The following RMDN2 variants were observed in gnomAD, a reference collection of about 807,000 sequenced individuals.
RMDN2 encodes the protein regulator of microtubule dynamics protein 2.
Under a neutral mutation model 52.8 loss-of-function variants are expected in RMDN2, and 61 were observed. The observed-to-expected ratio is 1.16, with a 90% CI of 0.94 to 1.43. The LOEUF is 1.43. Among genes scored for constraint, RMDN2 ranks in the 40% most tolerant of loss-of-function variants. RMDN2 has a pLI of 0.00. For synonymous variants in RMDN2, 180 were observed against 153.1 expected (o/e 1.18, Z -1.30); for missense variants, 592 against 475.3 (o/e 1.25, Z -2.28).
At chr2:38,044,811 A>T (rs568499897) in intron 10 of RMDN2, among the ~76,000 whole-genome samples, 16 of 152,186 alleles carry the variant, frequency 1.1e-4, no homozygotes, top group African/African-American at 3.9e-4. Context: ...TACTTTTTCC[A>T]TATAAAGTGC....
downstream of RMDN2, among the ~76,000 whole-genome samples, chr2:38,019,070 A>T (rs534956019): frequency 2.6e-5 from 4 of 152,326 alleles, no homozygotes; most frequent in African/African-American, 9.6e-5. Flanking sequence ...TCTTGGCTAG[A>T]TGGGGCAAGA....
Position 37,978,192 on chromosome 2 carries a change from T to TGC in RMDN2, c.730+2879_730+2880dup, listed in dbSNP as rs1370631109. 3.3e-5 allele frequency among the ~76,000 whole-genome samples: 5 copies of TGC among 151,934 alleles called. No homozygotes were observed. The East Asian group carries it at 5.8e-4, about 18-fold the overall frequency. ...AAAACCAGTCAGGCGTGGTGATGCGTGCCTGCAATCGCAGGTACTTGGCAG... is the reference window on the plus strand; with the variant it reads ...AAAACCAGTCAGGCGTGGTGATGCGTGCGCCTGCAATCGCAGGTACTTGGCAG... On this transcript the variant is annotated intron_variant, in intron 4 of 10. Transcript: ENST00000354545.
intron 7 of RMDN2, among the ~76,000 whole-genome samples, chr2:37,992,231 A>G (rs77193118): frequency 0.011 from 1,732 of 152,362 alleles, 19 homozygotes; most frequent in Non-Finnish European, 0.017. Context: ...AAGAGGCAGC[A>G]TTGAAATTGA....
chr2:37,989,989 C>A (rs1674545655), intron 6 of RMDN2, among the ~76,000 whole-genome samples: 1 of 151,462 alleles, frequency 6.6e-6, no homozygotes, highest in Non-Finnish European at 1.5e-5. Context: ...TAAAAATACA[C>A]ACACACAAAA....
chr2:37,972,144 G>A (rs1258534630), intron 2 of RMDN2, among the ~76,000 whole-genome samples: 1 of 151,970 alleles, frequency 6.6e-6, no homozygotes, highest in Non-Finnish European at 1.5e-5. Flanking sequence ...AATTATGTTT[G>A]TAGTTTTTTG....
At chr2:37,999,707 G>A (rs1297603949) in intron 8 of RMDN2, among the ~76,000 whole-genome samples, 1 of 152,046 alleles carries the variant, frequency 6.6e-6, no homozygotes, top group Non-Finnish European at 1.5e-5. Context: ...CAACCCCCGG[G>A]TCCTACAACA....
At chr2:37,956,199 CTT>C (rs940072718) in intron 2 of RMDN2, among the ~76,000 whole-genome samples, 5 of 152,136 alleles carry the variant, frequency 3.3e-5, no homozygotes, top group Non-Finnish European at 5.9e-5. Flanking sequence ...TGGGCTTTCA[CTT>C]TTTGGGAGGT....
Position 38,004,004 on chromosome 2 carries a change from G to A in RMDN2, c.1058G>A (p.Cys353Tyr), listed in dbSNP as rs1676712809. 6.2e-7 allele frequency: 1 copy of A among 1,612,714 alleles called. No individual in the cohort carries two copies. ...LHNFLKAEEL[C>Y]PGYSNPNYMY... ...CTCTCAAATCAGGCTGAAGAACTATGCCCTGGTTATTCTAATCCCAATTAC... is the reference window on the plus strand; with the variant it reads ...CTCTCAAATCAGGCTGAAGAACTATACCCTGGTTATTCTAATCCCAATTAC... Residue 353 changes from cysteine to tyrosine, a missense_variant, in exon 9 of 11, where the codon TGC (cysteine) becomes TAC (tyrosine). Physicochemically the swap from Cys to Tyr is radical, Grantham distance 194. Transcript: ENST00000354545.
chr2:37,996,666 G>T (rs1675595628), intron 7 of RMDN2, among the ~76,000 whole-genome samples: 1 of 150,960 alleles, frequency 6.6e-6, no homozygotes, highest in African/African-American at 2.4e-5. Flanking sequence ...TGAGAAGGAA[G>T]ATAATTTATG....
chr2:37,988,112 T>C (rs541206633), intron 5 of RMDN2, among the ~76,000 whole-genome samples: 10 of 152,322 alleles, frequency 6.6e-5, no homozygotes, highest in African/African-American at 9.6e-5. Context: ...ATAGGAGATA[T>C]ATGGGAATCC....
At chr2:37,945,343 T>TGGTA (rs1457900083) in intron 2 of RMDN2, among the ~76,000 whole-genome samples, 1 of 152,176 alleles carries the variant, frequency 6.6e-6, no homozygotes, top group East Asian at 1.9e-4. Flanking sequence ...ATGAGTACAG[T>TGGTA]GGTAACAAAG....
intron 2 of RMDN2, among the ~76,000 whole-genome samples, chr2:37,966,818 C>A (rs1671117205): frequency 6.6e-6 from 1 of 151,926 alleles, no homozygotes; most frequent in Non-Finnish European, 1.5e-5. Context: ...CTTTTTTGCA[C>A]CAAAATAAGC....
intron 2 of RMDN2, among the ~76,000 whole-genome samples, chr2:37,961,418 T>A (rs556373811): frequency 6.6e-6 from 1 of 151,944 alleles, no homozygotes; most frequent in Non-Finnish European, 1.5e-5. Context: ...ATCTTGTCTT[T>A]ACAATTTATT....
chr2:37,991,013 T>G (rs1674717167), intron 6 of RMDN2, among the ~76,000 whole-genome samples: 1 of 152,240 alleles, frequency 6.6e-6, no homozygotes, highest in African/African-American at 2.4e-5. Context: ...ATAGCTTTAT[T>G]AAATCCTAGT....
intron 6 of RMDN2, among the ~76,000 whole-genome samples, 171 bp from the exon 7 acceptor site, chr2:37,991,049 A>T (rs1674721142): frequency 6.6e-6 from 1 of 152,224 alleles, no homozygotes; most frequent in Non-Finnish European, 1.5e-5. Flanking sequence ...GGTTGTAAGC[A>T]ATCATTTTTG....
intron 10 of RMDN2, among the ~76,000 whole-genome samples, chr2:38,037,201 A>G (rs1680643194): frequency 6.6e-6 from 1 of 152,212 alleles, no homozygotes; most frequent in Admixed American, 6.5e-5. Flanking sequence ...GAAATTTTCT[A>G]TGCAAGATTT....
At chr2:37,989,029 G>C (rs186940520) in intron 5 of RMDN2, among the ~76,000 whole-genome samples, 1 of 152,084 alleles carries the variant, frequency 6.6e-6, no homozygotes, top group Non-Finnish European at 1.5e-5. Flanking sequence ...TGTTTTAATC[G>C]TGGTATTTAT....
At chr2:38,065,815 CTTGT>C (rs914876672) in intron 10 of RMDN2, among the ~76,000 whole-genome samples, 1 of 152,198 alleles carries the variant, frequency 6.6e-6, no homozygotes, top group Non-Finnish European at 1.5e-5. Context: ...AGCATGACTG[CTTGT>C]TTGTTTGGCT....
intron 10 of RMDN2, among the ~76,000 whole-genome samples, chr2:38,042,458 C>T (rs1277019032): frequency 7.1e-6 from 1 of 141,382 alleles, no homozygotes; most frequent in South Asian, 2.4e-4. Flanking sequence ...CACACACACA[C>T]ACATCAGGTT....
Sources: gnomAD v4.1 joint callset for allele counts (sites outside exome capture counted in the v4.1 genomes callset) on GRCh38, gnomAD v4.1.1 for gene constraint, MANE v1.5 for transcripts, NCBI Gene and HGNC (gene_info 2026-07-23, HGNC 2026-07-21) for gene names.